Variants in MBNL2 observed in about 807,000 individuals in gnomAD.
MBNL2 encodes the protein muscleblind like splicing regulator 2.
Under a neutral mutation model 41.9 loss-of-function variants are expected in MBNL2, and 17 were observed. That is an observed-to-expected ratio of 0.41 (90% CI 0.28 to 0.61). The LOEUF is 0.61. MBNL2 is among the 20% of genes least tolerant of loss of function. The pLI is 0.35. For synonymous variants in MBNL2, 195 were observed against 182.9 expected (o/e 1.07, Z -0.53); for missense variants, 336 against 505.6 (o/e 0.66, Z 3.22).
intron 3 of MBNL2, 105 bp from the exon 4 acceptor site, chr13:97,342,909 AAC>A (rs2061546897): frequency 4.5e-6 from 3 of 671,554 alleles, no homozygotes; most frequent in Non-Finnish European, 8.0e-6. Context: ...CTATACAATT[AAC>A]ACAGAGTATA....
intron 2 of MBNL2, among the ~76,000 whole-genome samples, chr13:97,277,851 A>G (rs1594136254): frequency 6.6e-6 from 1 of 152,238 alleles, no homozygotes; most frequent in African/African-American, 2.4e-5. Context: ...CATATAAACT[A>G]TAACAGTACA....
chr13:97,310,999 G>T (rs1469583937), intron 2 of MBNL2, among the ~76,000 whole-genome samples: 1 of 152,110 alleles, frequency 6.6e-6, no homozygotes, highest in Non-Finnish European at 1.5e-5. Flanking sequence ...TAGATATGCT[G>T]AGTGCTCAGA....
At chr13:97,162,898 T>A in the MBNL2 span, among the ~76,000 whole-genome samples, 1 of 152,204 alleles carries the variant, frequency 6.6e-6, no homozygotes, top group Non-Finnish European at 1.5e-5. Context: ...AGAGTCAGGA[T>A]ATTTGGGGAA....
the MBNL2 span, among the ~76,000 whole-genome samples, chr13:97,192,108 T>TTAAC: frequency 1.3e-5 from 2 of 152,094 alleles, no homozygotes; most frequent in South Asian, 4.2e-4. Context: ...CCTTTAGAGG[T>TTAAC]TAACATTCAA....
At chr13:97,250,128 C>T (rs2046239981) in intron 1 of MBNL2, among the ~76,000 whole-genome samples, 1 of 152,056 alleles carries the variant, frequency 6.6e-6, no homozygotes, top group Non-Finnish European at 1.5e-5. Context: ...TTTTTTCTCT[C>T]CAGGAACACC....
At chr13:97,336,745 ATG>A (rs2060917200) in intron 3 of MBNL2, among the ~76,000 whole-genome samples, 1 of 152,208 alleles carries the variant, frequency 6.6e-6, no homozygotes, top group Non-Finnish European at 1.5e-5. Flanking sequence ...AAAGGGATAA[ATG>A]TGTGTTATTC....
At chr13:97,271,099 C>A (rs1474862738) in intron 1 of MBNL2, among the ~76,000 whole-genome samples, 4 of 150,698 alleles carry the variant, frequency 2.7e-5, no homozygotes, top group Admixed American at 6.6e-5. Flanking sequence ...CTTGGGTACA[C>A]CTGCTCTTTT....
chr13:97,290,650 T>G (rs1196837458), intron 2 of MBNL2, among the ~76,000 whole-genome samples: 1 of 143,896 alleles, frequency 6.9e-6, no homozygotes, highest in Non-Finnish European at 1.5e-5. Flanking sequence ...CAGTCCGCAG[T>G]CTGGCCTGGG....
the MBNL2 span, among the ~76,000 whole-genome samples, chr13:97,172,119 G>C: frequency 6.6e-6 from 1 of 152,112 alleles, no homozygotes; most frequent in Non-Finnish European, 1.5e-5. Flanking sequence ...TCAAGATGAG[G>C]GTGAAGAGCT....
At chr13:97,369,281 T>C (rs1381540974) in intron 8 of MBNL2, among the ~76,000 whole-genome samples, 1 of 152,202 alleles carries the variant, frequency 6.6e-6, no homozygotes, top group East Asian at 1.9e-4. Flanking sequence ...GTGGATTATG[T>C]AAGTCATTTA....
chr13:97,214,795 C>T, the MBNL2 span, among the ~76,000 whole-genome samples: 2 of 152,162 alleles, frequency 1.3e-5, no homozygotes, highest in Non-Finnish European at 2.9e-5. Flanking sequence ...TTCTAGTGAG[C>T]ACAGTGACAG....
At chr13:97,220,390 G>A (rs2040753684), upstream of MBNL2, among the ~76,000 whole-genome samples, 1 of 152,150 alleles carries the variant, frequency 6.6e-6, no homozygotes, top group Non-Finnish European at 1.5e-5. Flanking sequence ...AGGGTAATGT[G>A]GCCACAGAAG....
the MBNL2 span, among the ~76,000 whole-genome samples, chr13:97,198,912 C>T: frequency 6.6e-6 from 1 of 152,170 alleles, no homozygotes; most frequent in Non-Finnish European, 1.5e-5. Flanking sequence ...TCCCACCGGT[C>T]CTCCTACCTA....
intron 1 of MBNL2, among the ~76,000 whole-genome samples, chr13:97,227,186 G>A (rs538854798): frequency 6.6e-6 from 1 of 152,290 alleles, no homozygotes; most frequent in East Asian, 1.9e-4. Context: ...GTTCAGGGAC[G>A]CAGCCTGGGG....
At chr13:97,267,694 C>G (rs2050092314) in intron 1 of MBNL2, among the ~76,000 whole-genome samples, 1 of 152,172 alleles carries the variant, frequency 6.6e-6, no homozygotes, top group South Asian at 2.1e-4. Context: ...TTTCCTAATT[C>G]TCACAGAAGG....
the MBNL2 span, among the ~76,000 whole-genome samples, chr13:97,181,457 A>C: frequency 6.6e-6 from 1 of 152,214 alleles, no homozygotes; most frequent in Non-Finnish European, 1.5e-5. Context: ...TCAAACTCAG[A>C]AACATAGGGA....
At chr13:97,209,935 A>G in the MBNL2 span, among the ~76,000 whole-genome samples, 1 of 152,306 alleles carries the variant, frequency 6.6e-6, no homozygotes, top group Non-Finnish European at 1.5e-5. Context: ...ACCTGGGATT[A>G]CAGGTGTGCA....
intron 2 of MBNL2, among the ~76,000 whole-genome samples, chr13:97,297,849 A>T (rs2057219210): frequency 6.6e-6 from 1 of 152,252 alleles, no homozygotes; most frequent in Admixed American, 6.5e-5. Flanking sequence ...CTAAACAAGC[A>T]AAGGCTGCCA....
At chr13:97,310,258 T>C (rs535476198) in intron 2 of MBNL2, among the ~76,000 whole-genome samples, 1 of 152,270 alleles carries the variant, frequency 6.6e-6, no homozygotes, top group Non-Finnish European at 1.5e-5. Flanking sequence ...GTCTGTACCA[T>C]AAAAAGAGGG....
Sources: allele counts gnomAD v4.1 joint callset (sites outside exome capture counted in the v4.1 genomes callset), GRCh38; gene constraint gnomAD v4.1.1; transcripts MANE v1.5; gene names NCBI Gene and HGNC (gene_info 2026-07-23, HGNC 2026-07-21).